Variants in INTS3 observed in about 807,000 individuals in gnomAD.
The protein encoded by INTS3 is integrator complex subunit 3, also known as SOSS complex subunit A.
In INTS3, 34 loss-of-function variants were observed where a neutral mutation model predicts 146.3. That is an observed-to-expected ratio of 0.23 (90% CI 0.18 to 0.31). The LOEUF is 0.31. Ranked by LOEUF, INTS3 falls within the 10% of genes least tolerant of loss-of-function variation. The probability of loss-of-function intolerance (pLI) is 1.00; values close to 1 mark genes in which losing one functional copy is unlikely to be tolerated. For missense variants in INTS3, 757 were observed against 1,304.2 expected (o/e 0.58, Z 6.46); for synonymous variants, 475 against 494.9 (o/e 0.96, Z 0.53).
At chr1:153,750,094 G>A (rs1472631194) in intron 6 of INTS3, among the ~76,000 whole-genome samples, 1 of 152,256 alleles carries the variant, frequency 6.6e-6, no homozygotes. Flanking sequence ...ACCTTGGCTA[G>A]TGTATCCATT....
intron 10 of INTS3, among the ~76,000 whole-genome samples, chr1:153,759,120 C>T (rs1473269771): frequency 1.3e-5 from 2 of 151,218 alleles, no homozygotes; most frequent in African/African-American, 2.4e-5. Flanking sequence ...CTCATCTCTA[C>T]AAAAAAATAG....
chr1:153,768,877 C>T lies in INTS3; in HGVS notation c.2245-16C>T. 10 of 1,610,026 alleles carry T rather than the reference C, an allele frequency of 6.2e-6. No individual in the cohort carries two copies. The highest frequency in any genetic ancestry group is 8.5e-6 in the Non-Finnish European group (10 of 1,176,562). On this transcript the variant is annotated splice_polypyrimidine_tract_variant and intron_variant, in intron 21 of 29. Transcript: ENST00000318967. ...GGAGCCCATCCAGGACTCTTCCCCT[C>T]TCTTTTTCCATTTAGTTTCCAGATG...
In INTS3 at chr1:153,773,733, G is replaced by A. The variant is rs1394466952; in HGVS notation, c.*463G>A. The A allele has an allele frequency of 5.1e-6, 1 of 195,784 alleles. No homozygotes were observed. Among genetic ancestry groups the A allele is most frequent in the African/African-American group, 2.4e-5 (1 of 42,522 alleles). 12.1% of individuals were successfully genotyped at this position (195,784 alleles called of 1,614,324 possible). ...TTCAGGTCTTGGTTTGTTCTGAAGG[G>A]ACGTTTTATAGTCACTATCCACATG... On this transcript the variant is annotated 3_prime_UTR_variant, in exon 30 of 30. Transcript: ENST00000318967.
At chr1:153,760,738 CA>C in intron 12 of INTS3, 88 bp from the exon 13 acceptor site, 1 of 1,102,300 alleles carries the variant, frequency 9.1e-7, no homozygotes, top group Non-Finnish European at 1.4e-6. Context: ...GTCCCCTGAT[CA>C]AAACCAAAGC....
chr1:153,770,502 A>G (rs1402169509), intron 24 of INTS3, among the ~76,000 whole-genome samples, 183 bp from the exon 25 acceptor site: 13 of 152,182 alleles, frequency 8.5e-5, no homozygotes, highest in Admixed American at 8.5e-4. Context: ...ACCATGAGCC[A>G]GGCTCTGGGC....
chr1:153,760,232 C>CAAAAAAAAA, intron 11 of INTS3, 79 bp from the exon 12 acceptor site: 4 of 390,806 alleles, frequency 1.0e-5, no homozygotes, highest in Non-Finnish European at 1.7e-5. Flanking sequence ...GACTCTGTTT[C>CAAAAAAAAA]AAAAAAAAAA....
chr1:153,761,391 T>C (rs1672377203), intron 13 of INTS3, 179 bp from the exon 14 acceptor site: 2 of 584,254 alleles, frequency 3.4e-6, no homozygotes, highest in Admixed American at 3.1e-5. Context: ...ACACCTGTAA[T>C]CCTAGCTACT....
At chr1:153,770,501 C>T (rs1319959471) in intron 24 of INTS3, among the ~76,000 whole-genome samples, 184 bp from the exon 25 acceptor site, 4 of 152,174 alleles carry the variant, frequency 2.6e-5, no homozygotes, top group Non-Finnish European at 5.9e-5. Flanking sequence ...CACCATGAGC[C>T]AGGCTCTGGG....
intron 24 of INTS3, 26 bp downstream of exon 24, chr1:153,770,337 A>G (rs1263408071): frequency 2.9e-6 from 4 of 1,358,740 alleles, no homozygotes; most frequent in Non-Finnish European, 4.2e-6. Flanking sequence ...GGTAGGGAGC[A>G]CATCAGATAT....
chr1:153,763,918 G>A lies in INTS3; in HGVS notation c.1821+32G>A, dbSNP rs773803811. 4 of 1,600,914 alleles carry A rather than the reference G, an allele frequency of 2.5e-6. No individual in the cohort carries two copies. The South Asian group carries it at 4.4e-5, about 18-fold the overall frequency. On this transcript the variant is annotated intron_variant, in intron 17 of 29. Transcript: ENST00000318967. ...AGGAACCCAATCCCTTAGGGAGGAA[G>A]CAGCCTAGCCTGCTTAGCTTACACG...
chr1:153,747,440 A>T, intron 5 of INTS3, 77 bp downstream of exon 5: 1 of 1,101,742 alleles, frequency 9.1e-7, no homozygotes, highest in South Asian at 1.3e-5. Context: ...AGAATGATTA[A>T]GTGCCAAAGG....
rs4411157 is a variant in INTS3 at position 153,728,365 on chromosome 1, A to G, written c.-270A>G. 0.99 allele frequency: 433,202 copies of G among 436,104 alleles called. 215,215 individuals carry two copies. The highest frequency in any genetic ancestry group is 1 in the East Asian group (28,025 of 28,026). The allele number at this position is 436,104 out of a possible 1,614,324, so 27.0% of individuals were successfully genotyped here. A position where few individuals can be genotyped will look rare whatever the true frequency, so the allele number is the denominator to read the frequency against. On this transcript the variant is annotated 5_prime_UTR_variant, in exon 1 of 30. Transcript: ENST00000318967. Reference sequence around the variant, plus strand: ...AGCCTCTCCTACCCTTCCCATAGGGACACAGGCCTTTACCCCACTGTACTT... The same window carrying G: ...AGCCTCTCCTACCCTTCCCATAGGGGCACAGGCCTTTACCCCACTGTACTT...
chr1:153,760,305 C>T lies in INTS3; in HGVS notation c.1238-6C>T. On this transcript the variant is annotated splice_region_variant and splice_polypyrimidine_tract_variant and intron_variant, in intron 11 of 29. Coordinates refer to ENST00000318967, the MANE Select transcript of INTS3 (RefSeq NM_023015.5). ...GTGAGGGGCTCTTTAATTTCACATC[C>T]TCCAGAACCAGCCATCCTGGTCATG... is the stretch of plus-strand genomic sequence containing the variant. 6.2e-7 allele frequency: 1 copy of T among 1,600,848 alleles called. No homozygotes were observed. Among genetic ancestry groups the T allele is most frequent in the East Asian group, 2.2e-5 (1 of 44,658 alleles).
rs575691564 is a variant in INTS3, at chr1:153,759,633, C to T, written c.1237+20C>T. On this transcript the variant is annotated intron_variant, in intron 11 of 29. Coordinates refer to ENST00000318967, the MANE Select transcript of INTS3 (RefSeq NM_023015.5). ...ACATAGGTATGTGACCAAGACCAGGCGGCTCCACTTCCCCATCCCCCTAAG... is the reference window on the plus strand; with the variant it reads ...ACATAGGTATGTGACCAAGACCAGGTGGCTCCACTTCCCCATCCCCCTAAG... 24 of 1,506,796 alleles carry T rather than the reference C, an allele frequency of 1.6e-5. No homozygotes were observed. Among genetic ancestry groups the T allele is most frequent in the Middle Eastern group, 1.7e-4 (1 of 5,862 alleles). 93.3% of individuals were successfully genotyped at this position (1,506,796 alleles called of 1,614,324 possible).
At position 153,728,250 on chromosome 1, in the gene INTS3, T is replaced by TC; in HGVS notation, c.-379dup. On this transcript the variant is annotated 5_prime_UTR_variant, in exon 1 of 30. Coordinates refer to ENST00000318967, the MANE Select transcript of INTS3 (RefSeq NM_023015.5). ...TAATTCAGGGGCAGGACTCCTCTTT[T>TC]CCCCCCACGGGGAAAAGAGGCAGAA... The TC allele has an allele frequency of 2.7e-6, 1 of 373,670 alleles. No homozygotes were observed. Among genetic ancestry groups the TC allele is most frequent in the Non-Finnish European group, 4.8e-6 (1 of 210,376 alleles). 23.1% of individuals were successfully genotyped at this position (373,670 alleles called of 1,614,324 possible).
chr1:153,730,127 T>C (rs1033847842), intron 1 of INTS3, among the ~76,000 whole-genome samples: 5 of 152,172 alleles, frequency 3.3e-5, no homozygotes, highest in African/African-American at 1.2e-4. Flanking sequence ...AAATGAACTT[T>C]GTGAATCAAG....
chr1:153,763,100 C>A, intron 15 of INTS3, 133 bp from the exon 16 acceptor site: 2 of 1,201,686 alleles, frequency 1.7e-6, no homozygotes, highest in Non-Finnish European at 2.4e-6. Context: ...GGAGATGCTT[C>A]AGGCACTCAC....
intron 21 of INTS3, 107 bp from the exon 22 acceptor site, chr1:153,768,782 GTGTC>G (rs1255368885): frequency 1.2e-6 from 1 of 801,794 alleles, no homozygotes; most frequent in Non-Finnish European, 2.1e-6. Context: ...TTTAGGGCCT[GTGTC>G]TGGCTGACCC....
chr1:153,731,622 G>A (rs1289267880), intron 1 of INTS3, among the ~76,000 whole-genome samples: 4 of 127,378 alleles, frequency 3.1e-5, no homozygotes, highest in South Asian at 2.5e-4. Flanking sequence ...TCACTCTGTC[G>A]CCCAGGCTGG....
Sources: allele counts gnomAD v4.1 joint callset (sites outside exome capture counted in the v4.1 genomes callset), GRCh38; gene constraint gnomAD v4.1.1; transcripts MANE v1.5; gene names NCBI Gene and HGNC (gene_info 2026-07-23, HGNC 2026-07-21).